The following ANKAR variants were observed in gnomAD, a reference collection of about 807,000 sequenced individuals.
The protein encoded by ANKAR is ankyrin and armadillo repeat-containing protein.
ANKAR carries 136 observed loss-of-function variants against 146.2 expected under a neutral mutation model. That is an observed-to-expected ratio of 0.93 (90% CI 0.81 to 1.07). ANKAR has a LOEUF of 1.07. Ranked by LOEUF, ANKAR falls within the 50% of genes least tolerant of loss-of-function variation. The probability of loss-of-function intolerance (pLI) is 0.00; values close to 1 mark genes in which losing one functional copy is unlikely to be tolerated. For synonymous variants in ANKAR, 500 were observed against 575.8 expected (o/e 0.87, Z 1.88); for missense variants, 1,567 against 1,679.9 (o/e 0.93, Z 1.18).
chr2:189,758,331 A>G (rs1054465642), intron 18 of ANKAR, among the ~76,000 whole-genome samples: 2 of 152,124 alleles, frequency 1.3e-5, no homozygotes, highest in African/African-American at 4.8e-5. Context: ...TGATGAGCCA[A>G]GATTGCACCA....
rs149050269 is a variant in ANKAR, at chr2:189,728,746, C to T, written c.3118C>T (p.Arg1040Cys). 2.0e-5 allele frequency: 32 copies of T among 1,613,896 alleles called. No individual in the cohort carries two copies. Among genetic ancestry groups the T allele is most frequent in the African/African-American group, 2.7e-5 (2 of 74,898 alleles). Residue 1040 changes from arginine (R) to cysteine (C), a missense_variant, in exon 15 of 23, where the codon CGC (arginine) becomes TGC (cysteine). Arg to Cys is a radical substitution (Grantham distance 180). Transcript: ENST00000684021. ...CEGNGIAPLV[R>C]LLRISTIAEG... Reference sequence around the variant, plus strand: ...AGGGAATGGAATTGCACCATTGGTTCGCTTACTAAGAATTAGTACGATTGC... The same window carrying T: ...AGGGAATGGAATTGCACCATTGGTTTGCTTACTAAGAATTAGTACGATTGC...
intron 8 of ANKAR, among the ~76,000 whole-genome samples, chr2:189,705,906 A>G (rs181518725): frequency 6.6e-6 from 1 of 152,110 alleles, no homozygotes; most frequent in African/African-American, 2.4e-5. Context: ...ATTTAGGCAT[A>G]GTTTCATTCA....
chr2:189,733,215 C>A lies in ANKAR; in HGVS notation c.3409C>A (p.His1137Asn). The A allele has an allele frequency of 6.2e-7, 1 of 1,604,126 alleles. No individual in the cohort carries two copies. The highest frequency in any genetic ancestry group is 1.1e-5 in the South Asian group (1 of 88,260). The change falls in exon 17 of 23, where the codon CAC becomes AAC. Residue 1137 changes from histidine (H) to asparagine (N), a missense_variant. By Grantham distance (68) the His-to-Asn change is moderately conservative (BLOSUM62 1). Coordinates refer to ENST00000684021, the MANE Select transcript of ANKAR (RefSeq NM_001378068.1). ...FEYADVLYLLHSTEKDICLRA... is the reference protein window; with the variant it reads ...FEYADVLYLLNSTEKDICLRA... Reference sequence around the variant, plus strand: ...ATATGCTGATGTCCTTTATCTTCTTCACTCAACAGAAAAGGTAATACCTTT... The same window carrying A: ...ATATGCTGATGTCCTTTATCTTCTTAACTCAACAGAAAAGGTAATACCTTT...
At chr2:189,694,533 G>A (rs912606712) in intron 5 of ANKAR, among the ~76,000 whole-genome samples, 2 of 152,204 alleles carry the variant, frequency 1.3e-5, no homozygotes, top group Non-Finnish European at 2.9e-5. Context: ...CCTGGTAGGA[G>A]GGGGGTTTCT....
At chr2:189,760,652 G>A (rs953801437) in intron 18 of ANKAR, among the ~76,000 whole-genome samples, 10 of 151,794 alleles carry the variant, frequency 6.6e-5, no homozygotes, top group Non-Finnish European at 1.0e-4. Flanking sequence ...TCAGCTGGGC[G>A]TGGTGGCACG....
chr2:189,739,286 T>C (rs2043123041), intron 19 of ANKAR, among the ~76,000 whole-genome samples: 1 of 152,212 alleles, frequency 6.6e-6, no homozygotes, highest in Non-Finnish European at 1.5e-5. Context: ...ATGAGTAATA[T>C]GCAGTGACTA....
intron 10 of ANKAR, among the ~76,000 whole-genome samples, chr2:189,718,511 A>G (rs1374873098): frequency 2.6e-5 from 4 of 152,216 alleles, no homozygotes; most frequent in Non-Finnish European, 5.9e-5. Context: ...TTGATTGATC[A>G]TAGATAGTCC....
downstream of ANKAR, among the ~76,000 whole-genome samples, chr2:189,747,941 C>T (rs2044413495): frequency 6.6e-6 from 1 of 152,188 alleles, no homozygotes; most frequent in South Asian, 2.1e-4. Context: ...CTACCTTGGC[C>T]TCCCAAAGTG....
intron 7 of ANKAR, among the ~76,000 whole-genome samples, chr2:189,702,369 T>C (rs1344485329): frequency 6.6e-6 from 1 of 152,192 alleles, no homozygotes; most frequent in Non-Finnish European, 1.5e-5. Flanking sequence ...TGATGGATCC[T>C]TCTAGAGTTT....
chr2:189,761,578 TTCA>T, downstream of ANKAR: 1 of 1,610,612 alleles, frequency 6.2e-7, no homozygotes, highest in Admixed American at 1.7e-5. Flanking sequence ...TTCTTAAAAA[TTCA>T]TAAACTTTCC....
chr2:189,696,439 T>C, intron 7 of ANKAR, 70 bp downstream of exon 7: 3 of 1,453,432 alleles, frequency 2.1e-6, no homozygotes, highest in Non-Finnish European at 2.8e-6. Flanking sequence ...GGAATGCACG[T>C]TGATTTTAGA....
chr2:189,726,011 G>A (rs1320250516), intron 12 of ANKAR, among the ~76,000 whole-genome samples: 2 of 152,170 alleles, frequency 1.3e-5, no homozygotes, highest in African/African-American at 2.4e-5. Context: ...AATAAATAGA[G>A]AATAAGGTAG....
chr2:189,752,709 T>G, intron 18 of ANKAR: 1 of 1,613,922 alleles, frequency 6.2e-7, no homozygotes, highest in Non-Finnish European at 8.5e-7. Context: ...CAGCACGTAG[T>G]CTTTCAATAC....
intron 18 of ANKAR, among the ~76,000 whole-genome samples, chr2:189,752,028 C>T (rs965708762): frequency 1.1e-4 from 17 of 151,530 alleles, no homozygotes; most frequent in African/African-American, 3.2e-4. Context: ...CCTGTAATTC[C>T]AGCTACTCAG....
chr2:189,692,629 A>G (rs2036594545), intron 4 of ANKAR: 2 of 426,374 alleles, frequency 4.7e-6, no homozygotes, highest in South Asian at 7.4e-5. Context: ...AGATAAAATT[A>G]TAAATAAGCT....
chr2:189,698,598 G>C (rs1001974215), intron 7 of ANKAR, among the ~76,000 whole-genome samples: 35 of 152,332 alleles, frequency 2.3e-4, no homozygotes, highest in African/African-American at 7.5e-4. Flanking sequence ...AGAGAATTCA[G>C]AAAGGCTTTT....
chr2:189,752,528 A>T, intron 18 of ANKAR: 2 of 882,156 alleles, frequency 2.3e-6, no homozygotes, highest in East Asian at 2.5e-5. Context: ...TTCATGAAAG[A>T]AATTTATGTA....
intron 21 of ANKAR, among the ~76,000 whole-genome samples, chr2:189,744,179 T>A (rs2043737822): frequency 6.6e-6 from 1 of 152,222 alleles, no homozygotes; most frequent in Non-Finnish European, 1.5e-5. Flanking sequence ...AGGACCCATG[T>A]ACAAACATAG....
chr2:189,727,876 T>G lies in ANKAR; in HGVS notation c.2656T>G (p.Ser886Ala). ...TGAAGATGTGTTGAAGGCTGTATCT[T>G]CTGCTGCAATTGCTGAGGTTGGGCG... ...SDSDVLKAVS[S>A]AAIAEVGRDN... is the part of the protein sequence containing the mutation. The change falls in exon 13 of 23, where the codon TCT becomes GCT. Residue 886 changes from serine to alanine, a missense_variant. Transcript: ENST00000684021. 1 of 1,614,012 alleles carries G rather than the reference T, an allele frequency of 6.2e-7. No homozygotes were observed. Among genetic ancestry groups the G allele is most frequent in the Non-Finnish European group, 8.5e-7 (1 of 1,179,922 alleles).
Sources: gnomAD v4.1 joint callset for allele counts (sites outside exome capture counted in the v4.1 genomes callset) on GRCh38, gnomAD v4.1.1 for gene constraint, MANE v1.5 for transcripts, NCBI Gene and HGNC (gene_info 2026-07-23, HGNC 2026-07-21) for gene names.